The following PRKG1 variants were observed in gnomAD, a reference collection of about 807,000 sequenced individuals.
PRKG1 encodes the protein cGMP-dependent protein kinase 1.
A neutral mutation model predicts 88.1 loss-of-function variants in PRKG1; 35 were observed. The observed-to-expected ratio is 0.40, with a 90% confidence interval of 0.30 to 0.53. The LOEUF (loss-of-function observed/expected upper bound fraction) is 0.53. Ranked by LOEUF, PRKG1 falls within the 20% of genes least tolerant of loss-of-function variation. The probability of loss-of-function intolerance (pLI) is 0.59; values close to 1 mark genes in which losing one functional copy is unlikely to be tolerated. For missense variants in PRKG1, 540 were observed against 839.8 expected, an observed-to-expected ratio of 0.64 and a Z score of 4.41; for synonymous variants, 303 against 292.5, an observed-to-expected ratio of 1.04 and a Z score of -0.37.
At chr10:52,035,661 G>A (rs1481507492) in intron 5 of PRKG1, among the ~76,000 whole-genome samples, 3 of 152,138 alleles carry the variant, frequency 2.0e-5, no homozygotes, top group East Asian at 1.9e-4. Flanking sequence ...GTCTGGGCCA[G>A]GAACAACGGT....
chr10:52,162,595 T>C (rs896302555), intron 9 of PRKG1, among the ~76,000 whole-genome samples: 1 of 152,148 alleles, frequency 6.6e-6, no homozygotes, highest in Non-Finnish European at 1.5e-5. Context: ...TAGTATTTAA[T>C]AGCATATAGC....
chr10:51,171,680 AG>A (rs1837030038), intron 2 of PRKG1, among the ~76,000 whole-genome samples: 1 of 152,164 alleles, frequency 6.6e-6, no homozygotes, highest in South Asian at 2.1e-4. Flanking sequence ...CGATCTGTCC[AG>A]TAAAAAATTT....
intron 9 of PRKG1, among the ~76,000 whole-genome samples, chr10:52,164,322 GC>G (rs1487345843): frequency 3.9e-5 from 6 of 151,930 alleles, no homozygotes; most frequent in African/African-American, 1.5e-4. Context: ...TTACCCTCCA[GC>G]CTGGGCGACC....
intron 10 of PRKG1, among the ~76,000 whole-genome samples, chr10:52,266,186 TTTATTA>T (rs60451262): frequency 0.068 from 10,190 of 149,214 alleles, 469 homozygotes; most frequent in Non-Finnish European, 0.11. Flanking sequence ...ATATTAATGC[TTTATTA>T]TTATTATTAT....
intron 4 of PRKG1, among the ~76,000 whole-genome samples, chr10:51,807,738 T>G (rs1292579523): frequency 1.3e-5 from 2 of 152,202 alleles, no homozygotes; most frequent in Non-Finnish European, 2.9e-5. Flanking sequence ...AATTTCTGCA[T>G]GACAGCTGTC....
Position 51,903,819 on chromosome 10 carries a change from A to G in PRKG1, c.699-3688A>G, listed in dbSNP as rs151289435. On this transcript the variant is annotated intron_variant, in intron 4 of 17. Coordinates refer to ENST00000373980, the MANE Select transcript of PRKG1 (RefSeq NM_006258.4). Reference sequence around the variant, plus strand: ...TGAGTAAGCAATCAACTCCACCATCATTTACAGGGGATGTTTCATCCTTTC... The same window carrying G: ...TGAGTAAGCAATCAACTCCACCATCGTTTACAGGGGATGTTTCATCCTTTC... Among the ~76,000 whole-genome samples, 611 of 152,198 alleles carry G rather than the reference A, an allele frequency of 4.0e-3. 4 individuals carry two copies. Among genetic ancestry groups the G allele is most frequent in the African/African-American group, 0.014 (575 of 41,548 alleles).
intron 3 of PRKG1, among the ~76,000 whole-genome samples, chr10:51,536,221 G>A (rs1842147880): frequency 6.6e-6 from 1 of 152,168 alleles, no homozygotes; most frequent in Non-Finnish European, 1.5e-5. Context: ...GCTAACAGCA[G>A]TGCTGGGAAA....
chr10:52,024,934 ACAAT>A, intron 5 of PRKG1, among the ~76,000 whole-genome samples: 1 of 152,356 alleles, frequency 6.6e-6, no homozygotes, highest in South Asian at 2.1e-4. Context: ...GAACTAGTTT[ACAAT>A]CCCACCAACA....
chr10:51,698,299 C>T, intron 3 of PRKG1: 3 of 1,614,142 alleles, frequency 1.9e-6, no homozygotes, highest in East Asian at 2.2e-5. Flanking sequence ...GAGTCTCCAT[C>T]GCTCGAGAAT....
chr10:51,948,528 G>C (rs763753070), intron 5 of PRKG1, among the ~76,000 whole-genome samples: 690 of 54,042 alleles, frequency 0.013, 7 homozygotes, highest in African/African-American at 0.077. Context: ...GTGTCTCTGT[G>C]TGTGTGTGTG....
chr10:51,737,866 C>A (rs1050291404), intron 3 of PRKG1, among the ~76,000 whole-genome samples: 1 of 151,624 alleles, frequency 6.6e-6, no homozygotes, highest in East Asian at 1.9e-4. Context: ...CAGGTTCAAG[C>A]GATTCTCCTG....
At chr10:51,121,733 G>A (rs1470408939) in intron 1 of PRKG1, among the ~76,000 whole-genome samples, 1 of 152,130 alleles carries the variant, frequency 6.6e-6, no homozygotes, top group African/African-American at 2.4e-5. Context: ...TTGAGAATAT[G>A]CATATCTATT....
chr10:51,135,338 A>T (rs1233920600), intron 1 of PRKG1, among the ~76,000 whole-genome samples: 2 of 152,180 alleles, frequency 1.3e-5, no homozygotes, highest in East Asian at 3.8e-4. Flanking sequence ...TTTTTGATAA[A>T]TTAAAAGAGA....
chr10:51,201,671 T>C (rs149337679), intron 2 of PRKG1, among the ~76,000 whole-genome samples: 305 of 152,158 alleles, frequency 2.0e-3, no homozygotes, highest in African/African-American at 6.8e-3. Flanking sequence ...GGAGCCCTTG[T>C]GAATGGATTT....
intron 2 of PRKG1, among the ~76,000 whole-genome samples, chr10:51,378,972 G>T (rs547465487): frequency 6.6e-6 from 1 of 152,242 alleles, no homozygotes; most frequent in South Asian, 2.1e-4. Context: ...AGAATATTTG[G>T]TAGGGTTTAT....
At chr10:51,012,256 G>A (rs1843002156) in intron 1 of PRKG1, among the ~76,000 whole-genome samples, 1 of 152,178 alleles carries the variant, frequency 6.6e-6, no homozygotes, top group African/African-American at 2.4e-5. Flanking sequence ...GAGTTTCCTG[G>A]TTGTTCTGGA....
At chr10:51,625,702 T>C (rs1441679407) in intron 3 of PRKG1, among the ~76,000 whole-genome samples, 1 of 151,476 alleles carries the variant, frequency 6.6e-6, no homozygotes, top group Non-Finnish European at 1.5e-5. Flanking sequence ...TAAATTATGC[T>C]TCAATAAAAC....
At chr10:51,948,466 A>G (rs959281344) in intron 5 of PRKG1, among the ~76,000 whole-genome samples, 1 of 152,194 alleles carries the variant, frequency 6.6e-6, no homozygotes, top group South Asian at 2.1e-4. Context: ...ACTGCAAGGG[A>G]TAAGGGTTTT....
chr10:52,209,812 C>T (rs1450822199), intron 9 of PRKG1, among the ~76,000 whole-genome samples: 1 of 152,114 alleles, frequency 6.6e-6, no homozygotes, highest in Non-Finnish European at 1.5e-5. Flanking sequence ...TGGCTGCCAC[C>T]ACCTATTCAT....
Sources: allele counts gnomAD v4.1 joint callset (sites outside exome capture counted in the v4.1 genomes callset), GRCh38; gene constraint gnomAD v4.1.1; transcripts MANE v1.5; gene names NCBI Gene and HGNC (gene_info 2026-07-23, HGNC 2026-07-21).